Variants in MSRA observed in about 807,000 individuals in gnomAD.
MSRA encodes methionine sulfoxide reductase A.
Under a neutral mutation model 31.3 loss-of-function variants are expected in MSRA, and 54 were observed. That is an observed-to-expected ratio of 1.73 (90% confidence interval 1.39 to 2.17). The LOEUF is 2.17. Among genes scored for constraint, MSRA ranks in the 30% most tolerant of loss-of-function variants. MSRA has a pLI of 0.00. For missense variants in MSRA, 507 were observed against 300.9 expected, an observed-to-expected ratio of 1.69 and a Z score of -5.07; for synonymous variants, 169 against 116.5, an observed-to-expected ratio of 1.45 and a Z score of -2.90.
chr8:10,297,407 C>T (rs575715392), intron 3 of MSRA, among the ~76,000 whole-genome samples: 8 of 152,312 alleles, frequency 5.3e-5, no homozygotes, highest in South Asian at 2.1e-4. Flanking sequence ...CATGTTTGCA[C>T]GTCACATCTA....
intron 5 of MSRA, among the ~76,000 whole-genome samples, chr8:10,400,074 G>T (rs1292856719): frequency 6.6e-6 from 1 of 152,334 alleles, no homozygotes; most frequent in African/African-American, 2.4e-5. Flanking sequence ...AAAGGTGTGT[G>T]TGTGTGAAGG....
intron 1 of MSRA, among the ~76,000 whole-genome samples, chr8:10,153,461 A>G (rs555866594): frequency 9.2e-5 from 14 of 151,882 alleles, no homozygotes; most frequent in Non-Finnish European, 1.0e-4. Flanking sequence ...GGTTGTCTTT[A>G]TCCTCGGAGG....
intron 1 of MSRA, among the ~76,000 whole-genome samples, chr8:10,134,856 C>A (rs1353197940): frequency 2.0e-5 from 3 of 152,206 alleles, no homozygotes; most frequent in African/African-American, 7.2e-5. Flanking sequence ...AAGCTGTGTT[C>A]TGACTGCAAG....
intron 1 of MSRA, among the ~76,000 whole-genome samples, chr8:10,123,300 A>G (rs940849405): frequency 2.7e-4 from 41 of 152,120 alleles, no homozygotes; most frequent in Admixed American, 2.1e-3. Flanking sequence ...TCTTTTTTAT[A>G]TGATTGTTGG....
At chr8:10,144,032 T>A (rs996800442) in intron 1 of MSRA, among the ~76,000 whole-genome samples, 12 of 152,114 alleles carry the variant, frequency 7.9e-5, no homozygotes, top group African/African-American at 2.9e-4. Context: ...GTGGCTTGCT[T>A]TTCCCATTTG....
At chr8:10,242,524 A>G (rs1797388729) in intron 2 of MSRA, among the ~76,000 whole-genome samples, 1 of 152,202 alleles carries the variant, frequency 6.6e-6, no homozygotes. Context: ...TGTTTGCCTA[A>G]TAACAGTGCA....
chr8:10,096,422 C>G, intron 1 of MSRA: 1 of 384,476 alleles, frequency 2.6e-6, no homozygotes, highest in Non-Finnish European at 3.6e-6. Context: ...TTAGTGAATT[C>G]TCATTGTGAG....
intron 1 of MSRA, among the ~76,000 whole-genome samples, chr8:10,110,501 C>T (rs919795317): frequency 6.6e-6 from 1 of 152,176 alleles, no homozygotes; most frequent in Non-Finnish European, 1.5e-5. Flanking sequence ...GCAAACAAGA[C>T]CACCGCTTCC....
intron 3 of MSRA, among the ~76,000 whole-genome samples, chr8:10,257,039 G>A (rs1294351746): frequency 6.6e-6 from 1 of 152,202 alleles, no homozygotes; most frequent in Non-Finnish European, 1.5e-5. Flanking sequence ...CAGCATTTTA[G>A]TTATATCAGG....
intron 1 of MSRA, among the ~76,000 whole-genome samples, chr8:10,067,126 G>C (rs1452022319): frequency 6.6e-6 from 1 of 152,136 alleles, no homozygotes; most frequent in East Asian, 1.9e-4. Context: ...TATCAGAACA[G>C]AATGCCTTCA....
chr8:10,084,456 A>G (rs1389467719), intron 1 of MSRA, among the ~76,000 whole-genome samples: 1 of 152,218 alleles, frequency 6.6e-6, no homozygotes, highest in Non-Finnish European at 1.5e-5. Context: ...GATCTTAACC[A>G]TGTAAACCTT....
At chr8:10,203,527 G>A (rs1808680641) in intron 1 of MSRA, among the ~76,000 whole-genome samples, 1 of 152,148 alleles carries the variant, frequency 6.6e-6, no homozygotes, top group South Asian at 2.1e-4. Flanking sequence ...TGTAACCATG[G>A]TGACATCGTA....
chr8:10,172,705 T>C, intron 1 of MSRA, among the ~76,000 whole-genome samples: 1 of 152,136 alleles, frequency 6.6e-6, no homozygotes, highest in African/African-American at 2.4e-5. Flanking sequence ...TCTCCCATGA[T>C]GGGGATAGTG....
chr8:10,132,898 C>G (rs771138825), intron 1 of MSRA, among the ~76,000 whole-genome samples: 1 of 152,200 alleles, frequency 6.6e-6, no homozygotes, highest in Non-Finnish European at 1.5e-5. Context: ...AAGAACGAGT[C>G]TTGGCCATTT....
chr8:10,312,578 A>G (rs1801491779), intron 4 of MSRA, among the ~76,000 whole-genome samples: 1 of 152,220 alleles, frequency 6.6e-6, no homozygotes, highest in African/African-American at 2.4e-5. Flanking sequence ...TCTTGATACC[A>G]AAACTTAACT....
intron 1 of MSRA, among the ~76,000 whole-genome samples, chr8:10,111,547 C>A (rs1444512568): frequency 6.6e-6 from 1 of 152,128 alleles, no homozygotes; most frequent in African/African-American, 2.4e-5. Flanking sequence ...ATCAGACAGG[C>A]CTTTTTGGGG....
At chr8:10,423,868 G>A (rs1808963790) in intron 5 of MSRA, among the ~76,000 whole-genome samples, 1 of 152,188 alleles carries the variant, frequency 6.6e-6, no homozygotes. Flanking sequence ...CAGAAGCAGA[G>A]AGAATCTCCA....
chr8:10,426,073 G>A (rs890574091), intron 5 of MSRA, among the ~76,000 whole-genome samples: 1 of 152,188 alleles, frequency 6.6e-6, no homozygotes, highest in Non-Finnish European at 1.5e-5. Context: ...TCAGTGGGCA[G>A]CCTCTTCACA....
At chr8:10,400,016 A>G (rs976022679) in intron 5 of MSRA, among the ~76,000 whole-genome samples, 2 of 152,204 alleles carry the variant, frequency 1.3e-5, no homozygotes, top group South Asian at 2.1e-4. Flanking sequence ...CATGAAGGTT[A>G]AAATGAATAT....
Sources: gnomAD v4.1 joint callset for allele counts (sites outside exome capture counted in the v4.1 genomes callset) on GRCh38, gnomAD v4.1.1 for gene constraint, MANE v1.5 for transcripts, NCBI Gene and HGNC (gene_info 2026-07-23, HGNC 2026-07-21) for gene names.